Variants in LRP1B observed in about 807,000 individuals in gnomAD.
LRP1B encodes the protein LDL receptor related protein 1B.
In LRP1B, 217 loss-of-function variants were observed where a neutral mutation model predicts 556.6. That is an observed-to-expected ratio of 0.39 (90% CI 0.35 to 0.44). The LOEUF is 0.44. Among genes scored for constraint, LRP1B ranks in the 20% least tolerant of loss-of-function variants. LRP1B has a pLI of 1.00. For missense variants in LRP1B, 5,053 were observed against 5,620.8 expected, an observed-to-expected ratio of 0.90 and a Z score of 3.23; for synonymous variants, 2,047 against 1,865.8, an observed-to-expected ratio of 1.10 and a Z score of -2.50.
At chr2:140,346,079 C>G (rs1288102580) in intron 77 of LRP1B, among the ~76,000 whole-genome samples, 1 of 150,730 alleles carries the variant, frequency 6.6e-6, no homozygotes, top group Non-Finnish European at 1.5e-5. Flanking sequence ...TCTTTCTTCC[C>G]TAGAAAATAA....
intron 83 of LRP1B, among the ~76,000 whole-genome samples, chr2:140,309,939 C>T (rs1045879128): frequency 6.6e-6 from 1 of 151,490 alleles, no homozygotes; most frequent in Non-Finnish European, 1.5e-5. Flanking sequence ...TTTTTTATTA[C>T]TACATAATCC....
intron 1 of LRP1B, among the ~76,000 whole-genome samples, chr2:141,817,102 T>C (rs1696583924): frequency 6.6e-6 from 1 of 152,186 alleles, no homozygotes; most frequent in African/African-American, 2.4e-5. Context: ...TTGAGTTCCT[T>C]GAATCAGAAG....
chr2:140,273,983 T>C (rs1158424734), intron 85 of LRP1B, among the ~76,000 whole-genome samples: 3 of 152,198 alleles, frequency 2.0e-5, no homozygotes, highest in African/African-American at 7.2e-5. Context: ...GATTAATGTG[T>C]GTTTTCATTA....
At chr2:141,421,843 A>G (rs1219913828) in intron 3 of LRP1B, among the ~76,000 whole-genome samples, 1 of 152,194 alleles carries the variant, frequency 6.6e-6, no homozygotes, top group African/African-American at 2.4e-5. Context: ...CTCATTTTTA[A>G]GATCCACATT....
At position 141,025,476 on chromosome 2, in the gene LRP1B, T is replaced by A. The variant is rs867301171; in HGVS notation, c.1790-5374A>T. ...GTTGCTGTAAAGGTATGTTTTAGAT[T>A]ATATGAACATCAGTAGAATTTGAGT... On this transcript the variant is annotated intron_variant, in intron 11 of 90. Coordinates refer to ENST00000389484, the MANE Select transcript of LRP1B (RefSeq NM_018557.3). Among the ~76,000 whole-genome samples the A allele has an allele frequency of 6.6e-5, 10 of 152,094 alleles. No homozygotes were observed. In the South Asian group the frequency reaches 8.3e-4, roughly 13 times the overall value.
chr2:140,841,158 A>ACAAT, intron 29 of LRP1B, 66 bp from the exon 30 acceptor site: 1 of 1,032,106 alleles, frequency 9.7e-7, no homozygotes, highest in Non-Finnish European at 1.4e-6. Flanking sequence ...CTCTGCAAGT[A>ACAAT]GTTATTTTCT....
intron 2 of LRP1B, among the ~76,000 whole-genome samples, chr2:141,699,869 C>T (rs1253791588): frequency 6.8e-6 from 1 of 147,980 alleles, no homozygotes; most frequent in Admixed American, 6.9e-5. Context: ...GCAAAACTGG[C>T]ATTACGAGAT....
intron 41 of LRP1B, among the ~76,000 whole-genome samples, chr2:140,619,978 T>G (rs1427513365): frequency 6.6e-6 from 1 of 152,174 alleles, no homozygotes; most frequent in Non-Finnish European, 1.5e-5. Context: ...TTCTATAAAT[T>G]TAAAACCTGT....
chr2:140,918,303 A>C (rs1306452064), intron 21 of LRP1B, among the ~76,000 whole-genome samples: 1 of 151,920 alleles, frequency 6.6e-6, no homozygotes, highest in Admixed American at 6.6e-5. Context: ...AATTTGAAAG[A>C]GTTTTCTATA....
intron 43 of LRP1B, among the ~76,000 whole-genome samples, chr2:140,590,408 A>C (rs1682172420): frequency 6.6e-6 from 1 of 151,494 alleles, no homozygotes; most frequent in Non-Finnish European, 1.5e-5. Flanking sequence ...TATGGACTGA[A>C]CTGTGCCTCC....
intron 1 of LRP1B, among the ~76,000 whole-genome samples, chr2:142,055,856 A>G (rs1704649019): frequency 6.6e-6 from 1 of 152,136 alleles, no homozygotes; most frequent in African/African-American, 2.4e-5. Flanking sequence ...ATTTTTCAGA[A>G]GTGTTCACAA....
chr2:141,395,239 A>G (rs1222303652), intron 3 of LRP1B, among the ~76,000 whole-genome samples: 1 of 152,106 alleles, frequency 6.6e-6, no homozygotes, highest in African/African-American at 2.4e-5. Context: ...ATTTACCCAG[A>G]GCAACTTTCA....
In LRP1B at chr2:141,597,765, C is replaced by T. The variant is rs184575921; in HGVS notation, c.206-117232G>A. 2.0e-3 allele frequency among the ~76,000 whole-genome samples: 311 copies of T among 152,016 alleles called. 1 individual carries two copies. The highest frequency in any genetic ancestry group is 7.3e-3 in the African/African-American group (302 of 41,480). ...CTTTTAAGGTACTTATGTAGTTTTT[C>T]AATACAGTGGAGATTCATCATACAA... On this transcript the variant is annotated intron_variant, in intron 2 of 90. Transcript: ENST00000389484.
intron 47 of LRP1B, among the ~76,000 whole-genome samples, chr2:140,526,674 G>C (rs963663339): frequency 2.1e-5 from 3 of 140,232 alleles, no homozygotes; most frequent in Admixed American, 1.5e-4. Flanking sequence ...ATATTGCTGT[G>C]GTAATATCAC....
At position 140,776,085 on chromosome 2, in the gene LRP1B, T is replaced by G; in HGVS notation, c.5500+13A>C. ...TATTCAAGACCTGGCACAAATTCAT[T>G]AGTGTGATTTACCTTGCTGTGCTTC... is the stretch of plus-strand genomic sequence containing the variant. On this transcript the variant is annotated intron_variant, in intron 33 of 90. Coordinates refer to ENST00000389484, the MANE Select transcript of LRP1B (RefSeq NM_018557.3). 1 of 1,543,220 alleles carries G rather than the reference T, an allele frequency of 6.5e-7. No homozygotes were observed. The highest frequency in any genetic ancestry group is 8.7e-7 in the Non-Finnish European group (1 of 1,148,364).
intron 7 of LRP1B, among the ~76,000 whole-genome samples, chr2:141,139,922 T>C (rs1701599566): frequency 6.6e-6 from 1 of 151,520 alleles, no homozygotes. Context: ...TTTATTATAA[T>C]AGAAAAAAAC....
intron 3 of LRP1B, among the ~76,000 whole-genome samples, chr2:141,264,493 T>G (rs1275306837): frequency 1.3e-5 from 2 of 152,190 alleles, no homozygotes; most frequent in Non-Finnish European, 2.9e-5. Flanking sequence ...CTTACTCTTG[T>G]CATCCAGGCT....
At chr2:141,060,480 C>G (rs1309673148) in intron 8 of LRP1B, among the ~76,000 whole-genome samples, 1 of 151,768 alleles carries the variant, frequency 6.6e-6, no homozygotes, top group African/African-American at 2.4e-5. Context: ...TTGGGTAATA[C>G]TTTTGTCCTA....
At chr2:140,337,947 G>A (rs1047023092) in intron 77 of LRP1B, among the ~76,000 whole-genome samples, 7 of 151,646 alleles carry the variant, frequency 4.6e-5, no homozygotes, top group Admixed American at 1.3e-4. Flanking sequence ...AGAGCATTCA[G>A]AAGTTTGATT....
Sources: allele counts gnomAD v4.1 joint callset (sites outside exome capture counted in the v4.1 genomes callset), GRCh38; gene constraint gnomAD v4.1.1; transcripts MANE v1.5; gene names NCBI Gene and HGNC (gene_info 2026-07-23, HGNC 2026-07-21).